The following HSPA5 variants were observed in gnomAD, a reference collection of about 807,000 sequenced individuals.
HSPA5 encodes heat shock protein family A (Hsp70) member 5.
A neutral mutation model predicts 49.5 loss-of-function variants in HSPA5; 16 were observed. The ratio of observed to expected loss-of-function variants is 0.32; its 90% confidence interval spans 0.22 to 0.49. The LOEUF (loss-of-function observed/expected upper bound fraction) is 0.49. Ranked by LOEUF, HSPA5 falls within the 20% of genes least tolerant of loss-of-function variation. The pLI is 0.99. For synonymous variants in HSPA5, 271 were observed against 307.2 expected, an observed-to-expected ratio of 0.88 and a Z score of 1.23; for missense variants, 376 against 819.0, an observed-to-expected ratio of 0.46 and a Z score of 6.60.
rs1832543223 is a variant in HSPA5 at position 125,239,927 on chromosome 9, T to G, written c.492+245A>C. On this transcript the variant is annotated intron_variant, in intron 3 of 7. Transcript: ENST00000324460. The surrounding 1 kb of genome is among the most constrained non-coding windows in gnomAD (Gnocchi z 5.5). ...ACAGTCAAACCATCACTTTAGTTTT[T>G]AAGCCAACTTATTGATGAATACAAC... 1.3e-5 allele frequency among the ~76,000 whole-genome samples: 2 copies of G among 152,138 alleles called. No individual in the cohort carries two copies. The highest frequency in any genetic ancestry group is 2.9e-5 in the Non-Finnish European group (2 of 68,018).
chr9:125,236,976 G>A lies in HSPA5; in HGVS notation c.1581C>T (p.Thr527=), dbSNP rs1832507007. The change falls in exon 8 of 8, where the codon ACC becomes ACT. Residue 527 remains threonine (T), a synonymous_variant. Coordinates refer to ENST00000324460, the MANE Select transcript of HSPA5 (RefSeq NM_005347.5). ...CAGGTGTCAGGCGATTCTGGTCATT[G>A]GTGATTGTGATCTTATTTTTGTTCC... The part of the protein sequence containing the change: ...GTGNKNKITI[T]NDQNRLTPEE... The A allele has an allele frequency of 6.2e-7, 1 of 1,613,950 alleles. No individual in the cohort carries two copies. The highest frequency in any genetic ancestry group is 1.7e-5 in the Admixed American group (1 of 60,004).
At chr9:125,238,361 TAA>T (rs1832523346) in intron 6 of HSPA5, 53 bp from the exon 7 acceptor site, 4 of 1,496,772 alleles carry the variant, frequency 2.7e-6, no homozygotes, top group Non-Finnish European at 3.7e-6. Context: ...ATGAGCTATG[TAA>T]AGTTTATCTC....
In HSPA5 at chr9:125,236,106, G is replaced by A. The variant is rs971094481; in HGVS notation, c.*486C>T. On this transcript the variant is annotated 3_prime_UTR_variant, in exon 8 of 8. Coordinates refer to ENST00000324460, the MANE Select transcript of HSPA5 (RefSeq NM_005347.5). ...TTAAAAAAAAAAAAAAAAATCCCTG[G>A]AAGCATTAAATAGAAGTGTTTCCTT... 8.6e-5 allele frequency: 13 copies of A among 151,740 alleles called. No individual in the cohort carries two copies. The highest frequency in any genetic ancestry group is 2.2e-4 in the African/African-American group (9 of 41,158). The allele number at this position is 151,740 out of a possible 1,614,324, so 9.4% of individuals were successfully genotyped here.
rs1204614502 is a variant in HSPA5, at chr9:125,240,094, C to T, written c.492+78G>A. On this transcript the variant is annotated intron_variant, in intron 3 of 7. Transcript: ENST00000324460. This position sits in a 1 kb window ranked among gnomAD's most constrained non-coding sequence, Gnocchi z 4.4. Reference sequence around the variant, plus strand: ...TGATTAAAATTTTTGAAACCCTTCACGAAGGCTTCTATACATAACAGCCAA... The same window carrying T: ...TGATTAAAATTTTTGAAACCCTTCATGAAGGCTTCTATACATAACAGCCAA... 1.7e-6 allele frequency: 2 copies of T among 1,181,890 alleles called. No individual in the cohort carries two copies. The highest frequency in any genetic ancestry group is 2.5e-5 in the Admixed American group (1 of 39,932). 73.2% of individuals were successfully genotyped at this position (1,181,890 alleles called of 1,614,324 possible).
chr9:125,240,030 G>A lies in HSPA5; in HGVS notation c.492+142C>T. 3.6e-6 allele frequency: 2 copies of A among 558,288 alleles called. No homozygotes were observed. The highest frequency in any genetic ancestry group is 3.0e-5 in the South Asian group (1 of 32,936). The allele number at this position is 558,288 out of a possible 1,614,324, so 34.6% of individuals were successfully genotyped here. On this transcript the variant is annotated intron_variant, in intron 3 of 7. Transcript: ENST00000324460. The surrounding 1 kb of genome is among the most constrained non-coding windows in gnomAD (Gnocchi z 4.4). ...TCTATTTTGTTTGGCTTATAGTAAGGGACTCAATAATTAAACCTGACAAGC... is the reference window on the plus strand; with the variant it reads ...TCTATTTTGTTTGGCTTATAGTAAGAGACTCAATAATTAAACCTGACAAGC...
chr9:125,236,478 CCA>C lies in HSPA5; in HGVS notation c.*112_*113del. 1 of 737,930 alleles carries C rather than the reference CCA, an allele frequency of 1.4e-6. No homozygotes were observed. Among genetic ancestry groups the C allele is most frequent in the Non-Finnish European group, 2.2e-6 (1 of 458,670 alleles). 45.7% of individuals were successfully genotyped at this position (737,930 alleles called of 1,614,324 possible). A position where few individuals can be genotyped will look rare whatever the true frequency, so the allele number is the denominator to read the frequency against. Reference sequence around the variant, plus strand: ...CGCTTAGGCTATAGCAGTTTCAACTCCACTCTGAGGTGAAGATTCCAATTACA... The same window carrying C: ...CGCTTAGGCTATAGCAGTTTCAACTCCTCTGAGGTGAAGATTCCAATTACA... On this transcript the variant is annotated 3_prime_UTR_variant, in exon 8 of 8. Coordinates refer to ENST00000324460, the MANE Select transcript of HSPA5 (RefSeq NM_005347.5).
rs1053250020 is a variant in HSPA5 at position 125,239,887 on chromosome 9, C to CAA, written c.492+283_492+284dup. On this transcript the variant is annotated intron_variant, in intron 3 of 7. Transcript: ENST00000324460. The surrounding 1 kb of genome is among the most constrained non-coding windows in gnomAD (Gnocchi z 5.5). ...TGGGCAACAGAGCAAGACTCCATCT[C>CAA]AAAAAAAAAAAATTACAGTCAAACC... 7.1e-6 allele frequency among the ~76,000 whole-genome samples: 1 copy of CAA among 139,900 alleles called. No individual in the cohort carries two copies. 91.8% of individuals were successfully genotyped at this position (139,900 alleles called of 152,430 possible).
At position 125,240,383 on chromosome 9, in the gene HSPA5, C is replaced by T. The variant is rs1488436563; in HGVS notation, c.355-74G>A. 1.1e-5 allele frequency: 15 copies of T among 1,376,228 alleles called. No individual in the cohort carries two copies. Among genetic ancestry groups the T allele is most frequent in the East Asian group, 2.3e-5 (1 of 43,398 alleles). The allele number at this position is 1,376,228 out of a possible 1,614,324, so 85.3% of individuals were successfully genotyped here. A position where few individuals can be genotyped will look rare whatever the true frequency, so the allele number is the denominator to read the frequency against. On this transcript the variant is annotated intron_variant, in intron 2 of 7. Coordinates refer to ENST00000324460, the MANE Select transcript of HSPA5 (RefSeq NM_005347.5). The surrounding 1 kb of genome is among the most constrained non-coding windows in gnomAD (Gnocchi z 4.4). Reference sequence around the variant, plus strand: ...AAGTTTAAAAGACCCACTACCATCCCCACAATTTGGTTTATTTTGGTCCCT... The same window carrying T: ...AAGTTTAAAAGACCCACTACCATCCTCACAATTTGGTTTATTTTGGTCCCT...
In HSPA5 at chr9:125,241,191, A is replaced by G; in HGVS notation, c.-65T>C. The G allele has an allele frequency of 6.5e-7, 1 of 1,542,822 alleles. No individual in the cohort carries two copies. The highest frequency in any genetic ancestry group is 8.7e-7 in the Non-Finnish European group (1 of 1,147,120). Reference sequence around the variant, plus strand: ...AGGCCGTAGCACAGGAGCACAGCGCAATTTCCGACTTGCAGGCGGCAGGGG... The same window carrying G: ...AGGCCGTAGCACAGGAGCACAGCGCGATTTCCGACTTGCAGGCGGCAGGGG... On this transcript the variant is annotated 5_prime_UTR_variant, in exon 1 of 8. Coordinates refer to ENST00000324460, the MANE Select transcript of HSPA5 (RefSeq NM_005347.5).
chr9:125,241,091 C>T lies in HSPA5; in HGVS notation c.36G>A (p.Leu12=). The T allele has an allele frequency of 6.2e-7, 1 of 1,613,134 alleles. No individual in the cohort carries two copies. The highest frequency in any genetic ancestry group is 8.5e-7 in the Non-Finnish European group (1 of 1,179,712). The change falls in exon 1 of 8, where the codon CTG becomes CTA. Residue 12 remains leucine (L), a synonymous_variant. Coordinates refer to ENST00000324460, the MANE Select transcript of HSPA5 (RefSeq NM_005347.5). The part of the protein sequence containing the change: ...KLSLVAAMLL[L]LSAARAEEED... Reference sequence around the variant, plus strand: ...CCTCCTCGGCCCGCGCCGCGCTGAGCAGCAGCAGCATCGCGGCCACCAGGG... The same window carrying T: ...CCTCCTCGGCCCGCGCCGCGCTGAGTAGCAGCAGCATCGCGGCCACCAGGG...
chr9:125,240,103 C>T lies in HSPA5; in HGVS notation c.492+69G>A, dbSNP rs1832545209. 1 of 1,303,934 alleles carries T rather than the reference C, an allele frequency of 7.7e-7. No homozygotes were observed. The highest frequency in any genetic ancestry group is 2.3e-5 in the East Asian group (1 of 43,188). 80.8% of individuals were successfully genotyped at this position (1,303,934 alleles called of 1,614,324 possible). A position where few individuals can be genotyped will look rare whatever the true frequency, so the allele number is the denominator to read the frequency against. ...TTTTTGAAACCCTTCACGAAGGCTT[C>T]TATACATAACAGCCAACCGAGAATA... On this transcript the variant is annotated intron_variant, in intron 3 of 7. Coordinates refer to ENST00000324460, the MANE Select transcript of HSPA5 (RefSeq NM_005347.5). This position sits in a 1 kb window ranked among gnomAD's most constrained non-coding sequence, Gnocchi z 4.4.
rs1327382948 is a variant in HSPA5, at chr9:125,241,175, C to T, written c.-49G>A. ...CAGGCAGTCCAGCCACAGGCCGTAGCACAGGAGCACAGCGCAATTTCCGAC... is the reference window on the plus strand; with the variant it reads ...CAGGCAGTCCAGCCACAGGCCGTAGTACAGGAGCACAGCGCAATTTCCGAC... On this transcript the variant is annotated 5_prime_UTR_variant, in exon 1 of 8. Coordinates refer to ENST00000324460, the MANE Select transcript of HSPA5 (RefSeq NM_005347.5). 2 of 1,563,662 alleles carry T rather than the reference C, an allele frequency of 1.3e-6. No homozygotes were observed. Among genetic ancestry groups the T allele is most frequent in the African/African-American group, 2.7e-5 (2 of 73,414 alleles).
intron 6 of HSPA5, 44 bp from the exon 7 acceptor site, chr9:125,238,352 T>C (rs1385281671): frequency 1.3e-6 from 2 of 1,535,670 alleles, no homozygotes; most frequent in Non-Finnish European, 1.8e-6. Flanking sequence ...GTTCTCCCTA[T>C]GAGCTATGTA....
In HSPA5 at chr9:125,235,523, C is replaced by G. The variant is rs992796830; in HGVS notation, c.*1069G>C. On this transcript the variant is annotated 3_prime_UTR_variant, in exon 8 of 8. Coordinates refer to ENST00000324460, the MANE Select transcript of HSPA5 (RefSeq NM_005347.5). ...CCAGCCTGTCCTTTATTGATCATACCATTTACCTGGACTCTTTTCTTCAGG... is the reference window on the plus strand; with the variant it reads ...CCAGCCTGTCCTTTATTGATCATACGATTTACCTGGACTCTTTTCTTCAGG... 6.6e-6 allele frequency: 1 copy of G among 151,940 alleles called. No individual in the cohort carries two copies. Among genetic ancestry groups the G allele is most frequent in the East Asian group, 1.9e-4 (1 of 5,198 alleles). 9.4% of individuals were successfully genotyped at this position (151,940 alleles called of 1,614,324 possible).
rs998102632 is a variant in HSPA5 at position 125,239,279 on chromosome 9, T to G, written c.658A>C (p.Ile220Leu). 2 of 1,613,922 alleles carry G rather than the reference T, an allele frequency of 1.2e-6. No individual in the cohort carries two copies. The highest frequency in any genetic ancestry group is 1.7e-6 in the Non-Finnish European group (2 of 1,179,956). Residue 220 changes from isoleucine (I) to leucine (L), a missense_variant, in exon 5 of 8, where the codon ATC (isoleucine) becomes CTC (leucine). Ile to Leu is a conservative substitution (Grantham distance 5). Around this residue, in one of 8 missense-constraint regions of HSPA5, gnomAD observed 89 missense variants for 200.0 expected, o/e 0.44. Transcript: ENST00000324460. This position sits in a 1 kb window ranked among gnomAD's most constrained non-coding sequence, Gnocchi z 5.5. ...CCGCCACCCAGGTCAAACACCAGGA[T>G]GTTCTTCTCCCCCTCCCTCTTATCC... ...GLDKREGEKN[I>L]LVFDLGGGTF...
chr9:125,238,944 G>A lies in HSPA5; in HGVS notation c.993C>T (p.Asn331=), dbSNP rs1456533458. Residue 331 remains asparagine, a synonymous_variant, in exon 5 of 8, where the codon AAC becomes AAT. Transcript: ENST00000324460. ...TLTRAKFEEL[N]MDLFRSTMKP... is the part of the protein sequence containing the mutation. ...AAGCAGAAAACAAGGAACATACCATGTTGAGCTCTTCAAATTTGGCCCGAG... is the reference window on the plus strand; with the variant it reads ...AAGCAGAAAACAAGGAACATACCATATTGAGCTCTTCAAATTTGGCCCGAG... The A allele has an allele frequency of 6.2e-7, 1 of 1,609,822 alleles. No homozygotes were observed.
rs1443431270 is a variant in HSPA5 at position 125,239,286 on chromosome 9, C to A, written c.651G>T (p.Glu217Asp). 6.2e-7 allele frequency: 1 copy of A among 1,613,766 alleles called. No homozygotes were observed. The highest frequency in any genetic ancestry group is 2.2e-5 in the East Asian group (1 of 44,862). Reference sequence around the variant, plus strand: ...CCAGGTCAAACACCAGGATGTTCTTCTCCCCCTCCCTCTTATCCAGGCCAT... The same window carrying A: ...CCAGGTCAAACACCAGGATGTTCTTATCCCCCTCCCTCTTATCCAGGCCAT... The part of the protein sequence containing the change: ...IAYGLDKREG[E>D]KNILVFDLGG... Residue 217 changes from glutamate to aspartate, a missense_variant, in exon 5 of 8, where the codon GAG (glutamate) becomes GAT (aspartate). By Grantham distance (45) the Glu-to-Asp change is conservative. Transcript: ENST00000324460. The surrounding 1 kb of genome is among the most constrained non-coding windows in gnomAD (Gnocchi z 5.5).
chr9:125,237,735 T>C (rs970617844), intron 7 of HSPA5, among the ~76,000 whole-genome samples: 6 of 151,700 alleles, frequency 4.0e-5, no homozygotes, highest in Non-Finnish European at 8.8e-5. Flanking sequence ...AAGACCTCCA[T>C]CTGAAAACAG....
At position 125,235,205 on chromosome 9, in the gene HSPA5, G is replaced by C. The variant is rs1284473229; in HGVS notation, c.*1387C>G. The stretch of plus-strand genomic sequence containing the variant: ...AAAATACCTATCCTTGGGCAGTATT[G>C]GATTCTTTTTTTTTTTTTTGAGGTG... On this transcript the variant is annotated 3_prime_UTR_variant, in exon 8 of 8. Transcript: ENST00000324460. 1.3e-5 allele frequency: 2 copies of C among 151,670 alleles called. No individual in the cohort carries two copies. Among genetic ancestry groups the C allele is most frequent in the Non-Finnish European group, 2.9e-5 (2 of 68,090 alleles). 9.4% of individuals were successfully genotyped at this position (151,670 alleles called of 1,614,324 possible).
Sources: allele counts gnomAD v4.1 joint callset (sites outside exome capture counted in the v4.1 genomes callset), GRCh38; gene constraint gnomAD v4.1.1; regional missense constraint gnomAD v4.1.1; non-coding constraint Gnocchi (gnomAD v3.1); transcripts MANE v1.5; gene names NCBI Gene and HGNC (gene_info 2026-07-23, HGNC 2026-07-21).